The following TRIP10 variants were observed in gnomAD, a reference collection of about 807,000 sequenced individuals.
TRIP10 encodes the protein thyroid hormone receptor interactor 10.
A neutral mutation model predicts 80.9 loss-of-function variants in TRIP10; 54 were observed. That is an observed-to-expected ratio of 0.67 (90% confidence interval 0.54 to 0.84). The LOEUF is 0.84. Among genes scored for constraint, TRIP10 ranks in the 40% least tolerant of loss-of-function variants. The pLI, the probability that TRIP10 is intolerant of heterozygous loss-of-function variation, is 0.00. For synonymous variants in TRIP10, 321 were observed against 307.2 expected (o/e 1.04, Z -0.47); for missense variants, 773 against 815.3 (o/e 0.95, Z 0.63).
chr19:6,741,195 C>A, intron 2 of TRIP10, 30 bp from the exon 3 acceptor site: 1 of 1,612,880 alleles, frequency 6.2e-7, no homozygotes, highest in East Asian at 2.2e-5. Flanking sequence ...GGGCTGCGGG[C>A]TCAGCCCTCC....
rs1968909775 is a variant in TRIP10 at position 6,741,218 on chromosome 19, C to T, written c.141-7C>T. The T allele has an allele frequency of 6.2e-7, 1 of 1,612,512 alleles. No homozygotes were observed. Among genetic ancestry groups the T allele is most frequent in the Non-Finnish European group, 8.5e-7 (1 of 1,179,206 alleles). Reference sequence around the variant, plus strand: ...GGCTCAGCCCTCCTACCTCTGTCTCCCCTTAGGAGCCTGGTGAAAAAATAT... The same window carrying T: ...GGCTCAGCCCTCCTACCTCTGTCTCTCCTTAGGAGCCTGGTGAAAAAATAT... On this transcript the variant is annotated splice_region_variant and splice_polypyrimidine_tract_variant and intron_variant, in intron 2 of 14. Transcript: ENST00000313244.
rs1379434442 is a variant in TRIP10, at chr19:6,743,867, C to T, written c.642+31C>T. The T allele has an allele frequency of 3.7e-6, 6 of 1,610,550 alleles. No individual in the cohort carries two copies. The Admixed American group carries it at 5.1e-5, about 14-fold the overall frequency. On this transcript the variant is annotated intron_variant, in intron 7 of 14. Coordinates refer to ENST00000313244, the MANE Select transcript of TRIP10 (RefSeq NM_001288962.2). ...TGCTCCCAGTTCTCAGACCTACCTTCCCGAAAGCCTCCAAATGTTAGCCAA... is the reference window on the plus strand; with the variant it reads ...TGCTCCCAGTTCTCAGACCTACCTTTCCGAAAGCCTCCAAATGTTAGCCAA...
Position 6,745,625 on chromosome 19 carries a change from C to T in TRIP10, c.985-404C>T, listed in dbSNP as rs1969095123. 1.1e-5 allele frequency: 11 copies of T among 985,122 alleles called. No homozygotes were observed. Among genetic ancestry groups the T allele is most frequent in the South Asian group, 4.7e-5 (1 of 21,290 alleles). 61.0% of individuals were successfully genotyped at this position (985,122 alleles called of 1,614,324 possible). Reference sequence around the variant, plus strand: ...TGTCTGAGACCTTGATTCCTGCATGCGTCTTCTAGACTGTCAGCCCAGAAA... The same window carrying T: ...TGTCTGAGACCTTGATTCCTGCATGTGTCTTCTAGACTGTCAGCCCAGAAA... On this transcript the variant is annotated intron_variant, in intron 9 of 14. Transcript: ENST00000313244. The surrounding 1 kb of genome is among the most constrained non-coding windows in gnomAD (Gnocchi z 7.2).
rs1450382021 is a variant in TRIP10 at position 6,745,129 on chromosome 19, ACTGGAGGGAAGGAAGGCGGCCGATTGGC to A, written c.984+140_984+167del. The A allele has an allele frequency of 8.1e-7, 1 of 1,232,464 alleles. No individual in the cohort carries two copies. The highest frequency in any genetic ancestry group is 1.1e-6 in the Non-Finnish European group (1 of 925,868). The allele number at this position is 1,232,464 out of a possible 1,614,324, so 76.3% of individuals were successfully genotyped here. A position where few individuals can be genotyped will look rare whatever the true frequency, so the allele number is the denominator to read the frequency against. On this transcript the variant is annotated intron_variant, in intron 9 of 14. Transcript: ENST00000313244. The surrounding 1 kb of genome is among the most constrained non-coding windows in gnomAD (Gnocchi z 7.2). ...ATTTTCCTCTTGGCTGCCAGCCCGG[ACTGGAGGGAAGGAAGGCGGCCGATTGGC>A]CTGGGAGTCCCCCGAGGCGAAGGCG...
At chr19:6,750,101 C>G in intron 12 of TRIP10, 35 bp downstream of exon 12, 1 of 490,952 alleles carries the variant, frequency 2.0e-6, no homozygotes, top group Non-Finnish European at 3.1e-6. Context: ...CGGGAGCCAG[C>G]GGGCCTGGCT....
chr19:6,741,293 G>C lies in TRIP10; in HGVS notation c.197+12G>C, dbSNP rs201416229. 3 of 1,604,274 alleles carry C rather than the reference G, an allele frequency of 1.9e-6. No homozygotes were observed. The highest frequency in any genetic ancestry group is 2.6e-6 in the Non-Finnish European group (3 of 1,175,226). On this transcript the variant is annotated intron_variant, in intron 3 of 14. Coordinates refer to ENST00000313244, the MANE Select transcript of TRIP10 (RefSeq NM_001288962.2). ...GATCCTGAGTCCAAGTAAGGTTGGAGAGGGGCTGCAGGGCTAGATTTGTGG... is the reference window on the plus strand; with the variant it reads ...GATCCTGAGTCCAAGTAAGGTTGGACAGGGGCTGCAGGGCTAGATTTGTGG...
intron 14 of TRIP10, 151 bp downstream of exon 14, chr19:6,750,784 T>C (rs1969272084): frequency 7.0e-6 from 9 of 1,276,760 alleles, no homozygotes; most frequent in African/African-American, 1.5e-5. Context: ...TCACTTGAGG[T>C]CAAGAATTCC....
At chr19:6,740,319 G>A (rs986729601) in intron 1 of TRIP10, among the ~76,000 whole-genome samples, 3 of 152,142 alleles carry the variant, frequency 2.0e-5, no homozygotes, top group Non-Finnish European at 4.4e-5. Flanking sequence ...GCTTCCCCCT[G>A]CTCACCCCAG....
intron 11 of TRIP10, among the ~76,000 whole-genome samples, chr19:6,749,407 A>G (rs1027913104): frequency 6.6e-6 from 1 of 152,194 alleles, no homozygotes; most frequent in African/African-American, 2.4e-5. Flanking sequence ...AAAATAAGCA[A>G]ACAGCAGTGG....
At chr19:6,743,907 T>C in intron 7 of TRIP10, 71 bp downstream of exon 7, 3 of 1,573,758 alleles carry the variant, frequency 1.9e-6, no homozygotes, top group Non-Finnish European at 2.6e-6. Flanking sequence ...TACGCATTCA[T>C]CAAAACCCCA....
chr19:6,750,225 T>A lies in TRIP10; in HGVS notation c.1396-67T>A, dbSNP rs1969243271. On this transcript the variant is annotated intron_variant, in intron 12 of 14. Coordinates refer to ENST00000313244, the MANE Select transcript of TRIP10 (RefSeq NM_001288962.2). ...TGTGCGTGGGTGATCTCAGGGAACC[T>A]CTGGGTCCAAAGTGGGCTGACCCCG... The A allele has an allele frequency of 8.8e-6, 14 of 1,596,618 alleles. No homozygotes were observed. The South Asian group carries it at 1.5e-4, about 17-fold the overall frequency.
At chr19:6,750,101 C>A in intron 12 of TRIP10, 35 bp downstream of exon 12, 1 of 490,952 alleles carries the variant, frequency 2.0e-6, no homozygotes, top group South Asian at 2.7e-5. Context: ...CGGGAGCCAG[C>A]GGGCCTGGCT....
Position 6,746,512 on chromosome 19 carries a change from C to A in TRIP10, c.1213C>A (p.Gln405Lys). ...AGAGCAGCAGCGAAAACGGCTTCAA[C>A]AGCAGTTGGAAGAACGCAGTCGTGA... Reference protein sequence around the residue: ...PPEQQRKRLQQQLEERSRELQ... With the variant: ...PPEQQRKRLQKQLEERSRELQ... The change falls in exon 11 of 15, where the codon CAG becomes AAG. Residue 405 changes from glutamine to lysine, a missense_variant. Physicochemically the swap from Gln to Lys is moderately conservative, Grantham distance 53. Transcript: ENST00000313244. This position sits in a 1 kb window ranked among gnomAD's most constrained non-coding sequence, Gnocchi z 6.2. 1 of 1,614,144 alleles carries A rather than the reference C, an allele frequency of 6.2e-7. No individual in the cohort carries two copies. Among genetic ancestry groups the A allele is most frequent in the Non-Finnish European group, 8.5e-7 (1 of 1,180,028 alleles).
At position 6,745,033 on chromosome 19, in the gene TRIP10, C is replaced by T; in HGVS notation, c.984+39C>T. On this transcript the variant is annotated intron_variant, in intron 9 of 14. Coordinates refer to ENST00000313244, the MANE Select transcript of TRIP10 (RefSeq NM_001288962.2). The surrounding 1 kb of genome is among the most constrained non-coding windows in gnomAD (Gnocchi z 7.2). Reference sequence around the variant, plus strand: ...CCCTTGGGATGGTGGGGGAGAAGGACAGTGAAGTGGGGACAGTGGGGCCCC... The same window carrying T: ...CCCTTGGGATGGTGGGGGAGAAGGATAGTGAAGTGGGGACAGTGGGGCCCC... The T allele has an allele frequency of 6.3e-7, 1 of 1,598,166 alleles. No individual in the cohort carries two copies. The highest frequency in any genetic ancestry group is 8.5e-7 in the Non-Finnish European group (1 of 1,172,722).
chr19:6,751,312 C>A lies in TRIP10; in HGVS notation c.*101C>A. Reference sequence around the variant, plus strand: ...TTTATTTCTGACCCCGTGGCTTCGGCTGAGACCTGTGTAACCTGCTGCCCC... The same window carrying A: ...TTTATTTCTGACCCCGTGGCTTCGGATGAGACCTGTGTAACCTGCTGCCCC... On this transcript the variant is annotated 3_prime_UTR_variant, in exon 15 of 15. Transcript: ENST00000313244. The A allele has an allele frequency of 6.3e-7, 1 of 1,582,292 alleles. No individual in the cohort carries two copies. The highest frequency in any genetic ancestry group is 8.6e-7 in the Non-Finnish European group (1 of 1,161,456).
At position 6,743,605 on chromosome 19, in the gene TRIP10, G is replaced by A. The variant is rs1242865780; in HGVS notation, c.513+7G>A. 2 of 1,477,806 alleles carry A rather than the reference G, an allele frequency of 1.4e-6. No individual in the cohort carries two copies. Among genetic ancestry groups the A allele is most frequent in the Non-Finnish European group, 1.9e-6 (2 of 1,072,512 alleles). 91.5% of individuals were successfully genotyped at this position (1,477,806 alleles called of 1,614,324 possible). On this transcript the variant is annotated splice_region_variant and intron_variant, in intron 6 of 14. Transcript: ENST00000313244. ...CAAGGCTGATGTGGAGAAGGTGTGTGTGGCGGGGGCGGGGGGGGGGTGCGG... is the reference window on the plus strand; with the variant it reads ...CAAGGCTGATGTGGAGAAGGTGTGTATGGCGGGGGCGGGGGGGGGGTGCGG...
rs373348684 is a variant in TRIP10, at chr19:6,740,782, G to A, written c.25-228G>A. 8.3e-4 allele frequency: 446 copies of A among 539,460 alleles called. 4 individuals are homozygous for A. The East Asian group carries it at 9.7e-3, about 12-fold the overall frequency. 33.4% of individuals were successfully genotyped at this position (539,460 alleles called of 1,614,324 possible). A position where few individuals can be genotyped will look rare whatever the true frequency, so the allele number is the denominator to read the frequency against. ...TGTCGGAGACCTCCATCTCCCGGCC[G>A]GGGTGGCTGGGGCCTGGGCGCTGTT... On this transcript the variant is annotated intron_variant, in intron 1 of 14. Coordinates refer to ENST00000313244, the MANE Select transcript of TRIP10 (RefSeq NM_001288962.2).
At position 6,746,054 on chromosome 19, in the gene TRIP10, T is replaced by TG. The variant is rs1392525399; in HGVS notation, c.1016dup (p.Val341ArgfsTer7). The TG allele has an allele frequency of 8.0e-6, 4 of 497,618 alleles. No homozygotes were observed. Among genetic ancestry groups the TG allele is most frequent in the Non-Finnish European group, 9.6e-6 (4 of 418,798 alleles). 30.8% of individuals were successfully genotyped at this position (497,618 alleles called of 1,614,324 possible). ...CCTCGCCCCCCACCCCTCTCCCCCC[T>TG]GGGGGGCCCCGTACCCTCGGCATTG... On this transcript the variant is annotated frameshift_variant, in exon 10 of 15. Coordinates refer to ENST00000313244, the MANE Select transcript of TRIP10 (RefSeq NM_001288962.2). LOFTEE classifies it high-confidence loss of function. The surrounding 1 kb of genome is among the most constrained non-coding windows in gnomAD (Gnocchi z 6.2).
In TRIP10 at chr19:6,744,797, C is replaced by T. The variant is rs373690428; in HGVS notation, c.790-3C>T. 8 of 1,611,486 alleles carry T rather than the reference C, an allele frequency of 5.0e-6. No individual in the cohort carries two copies. In the African/African-American group the frequency reaches 9.3e-5, roughly 19 times the overall value. On this transcript the variant is annotated splice_polypyrimidine_tract_variant and splice_region_variant and intron_variant, in intron 8 of 14. Coordinates refer to ENST00000313244, the MANE Select transcript of TRIP10 (RefSeq NM_001288962.2). This position sits in a 1 kb window ranked among gnomAD's most constrained non-coding sequence, Gnocchi z 4.9. Reference sequence around the variant, plus strand: ...CTGCTCATCCACTGTCCCCCTCCCCCAGGACTCCCACGTCCTTATAGAGCT... The same window carrying T: ...CTGCTCATCCACTGTCCCCCTCCCCTAGGACTCCCACGTCCTTATAGAGCT...
Sources: allele counts gnomAD v4.1 joint callset (sites outside exome capture counted in the v4.1 genomes callset), GRCh38; gene constraint gnomAD v4.1.1; non-coding constraint Gnocchi (gnomAD v3.1); transcripts MANE v1.5; gene names NCBI Gene and HGNC (gene_info 2026-07-23, HGNC 2026-07-21).